Variants in SLC35D1 observed in about 807,000 individuals in gnomAD.
SLC35D1 encodes the protein nucleotide sugar transporter SLC35D1.
In SLC35D1, 31 loss-of-function variants were observed where a neutral mutation model predicts 46.7. The observed-to-expected ratio is 0.66, with a 90% CI of 0.50 to 0.90. The LOEUF is 0.90. Ranked by LOEUF, SLC35D1 falls within the 40% of genes least tolerant of loss-of-function variation. SLC35D1 has a pLI of 0.00. For missense variants in SLC35D1, 397 were observed against 426.2 expected (o/e 0.93, Z 0.60); for synonymous variants, 195 against 164.6 (o/e 1.18, Z -1.41).
At chr1:67,016,821 CTA>C (rs1667695389) in intron 10 of SLC35D1, among the ~76,000 whole-genome samples, 1 of 152,002 alleles carries the variant, frequency 6.6e-6, no homozygotes, top group Non-Finnish European at 1.5e-5. Context: ...AATACTTTGA[CTA>C]AAATAACATA....
At chr1:67,052,342 CA>C (rs1346768597) in intron 3 of SLC35D1, among the ~76,000 whole-genome samples, 2 of 152,128 alleles carry the variant, frequency 1.3e-5, no homozygotes, top group African/African-American at 4.8e-5. Context: ...ACAGAAACAT[CA>C]TTTGCTGTAA....
At chr1:67,016,308 C>T (rs1489429547) in intron 10 of SLC35D1, among the ~76,000 whole-genome samples, 1 of 151,706 alleles carries the variant, frequency 6.6e-6, no homozygotes, top group African/African-American at 2.4e-5. Flanking sequence ...CATTGTTTTA[C>T]TTTGATTCTT....
chr1:67,033,053 A>C (rs994839403), intron 8 of SLC35D1, among the ~76,000 whole-genome samples: 1 of 152,098 alleles, frequency 6.6e-6, no homozygotes, highest in Admixed American at 6.5e-5. Flanking sequence ...AGTTCCATCC[A>C]TGTTGTTGCA....
At chr1:66,986,592 G>A in the SLC35D1 span, 3 of 808,050 alleles carry the variant, frequency 3.7e-6, no homozygotes, top group African/African-American at 1.7e-5. Flanking sequence ...ACATATGTTC[G>A]GACTGCTTCC....
In SLC35D1 at chr1:67,047,347, A is replaced by G. The variant is rs777466740; in HGVS notation, c.554T>C (p.Leu185Pro). 4.3e-5 allele frequency: 70 copies of G among 1,613,156 alleles called. No individual in the cohort carries two copies. Among genetic ancestry groups the G allele is most frequent in the Admixed American group, 4.0e-4 (24 of 60,006 alleles). Residue 185 changes from leucine (L) to proline (P), a missense_variant, in exon 7 of 12, where the codon CTG becomes CCG. Physicochemically the swap from Leu to Pro is moderately conservative, Grantham distance 98 (BLOSUM62 -3). Transcript: ENST00000235345. ...VAASSDLAFD[L>P]EGYAFILIND... ...TATCAGAATAAAAGCATATCCTTCC[A>G]GATCAAATGCCAAGTCAGAGCTGCA... is the stretch of plus-strand genomic sequence containing the variant.
chr1:67,019,351 A>G (rs2815355), intron 10 of SLC35D1, among the ~76,000 whole-genome samples: 88,244 of 152,072 alleles, frequency 0.58, 27,789 homozygotes, highest in East Asian at 0.84. Context: ...CAGCCAGCCC[A>G]ATCCCTGGCA....
chr1:67,048,828 A>G (rs1227687424), intron 6 of SLC35D1, among the ~76,000 whole-genome samples: 1 of 152,224 alleles, frequency 6.6e-6, no homozygotes, highest in African/African-American at 2.4e-5. Context: ...AAATGGGAAA[A>G]GCTTTAATAA....
At chr1:66,987,113 AAAAT>A in the SLC35D1 span, 2 of 152,744 alleles carry the variant, frequency 1.3e-5, no homozygotes, top group African/African-American at 4.8e-5. Context: ...TAATCTTTAA[AAAAT>A]ACACCTAATG....
chr1:66,985,453 A>G, the SLC35D1 span: 1 of 983,424 alleles, frequency 1.0e-6, no homozygotes, highest in Non-Finnish European at 1.2e-6. Flanking sequence ...TTATATATAG[A>G]AGTTTAAAAA....
intron 11 of SLC35D1, among the ~76,000 whole-genome samples, chr1:67,005,606 GCATTTTACATA>G (rs1369163550): frequency 6.6e-6 from 1 of 152,130 alleles, no homozygotes; most frequent in Non-Finnish European, 1.5e-5. Context: ...TACTTGTCAA[GCATTTTACATA>G]CATTTCCTGT....
chr1:66,997,848 TAGAC>T (rs1196486849), downstream of SLC35D1, among the ~76,000 whole-genome samples: 1 of 149,406 alleles, frequency 6.7e-6, no homozygotes, highest in Non-Finnish European at 1.5e-5. Flanking sequence ...TATATCTCCT[TAGAC>T]ATATATATCT....
Position 67,020,414 on chromosome 1 carries a change from C to A in SLC35D1, c.831G>T (p.Thr277=). ...FILMYATVLC[T]QYNSALTTTI... ...TAGTTGTAAGAGCAGAATTATACTG[C>A]GTGCAGAGTACTGTGGCGTACATTA... Residue 277 remains threonine (T), a synonymous_variant, in exon 10 of 12, where the codon ACG becomes ACT. Coordinates refer to ENST00000235345, the MANE Select transcript of SLC35D1 (RefSeq NM_015139.3). 1.2e-6 allele frequency: 2 copies of A among 1,610,814 alleles called. No individual in the cohort carries two copies. The highest frequency in any genetic ancestry group is 1.7e-6 in the Non-Finnish European group (2 of 1,177,176).
chr1:66,991,642 C>G, the SLC35D1 span, among the ~76,000 whole-genome samples: 1 of 152,228 alleles, frequency 6.6e-6, no homozygotes, highest in East Asian at 1.9e-4. Flanking sequence ...ATTAGTCCTT[C>G]TAACTATTCC....
At position 67,003,703 on chromosome 1, in the gene SLC35D1, T is replaced by C. The variant is rs149465666; in HGVS notation, c.*637A>G. 7 of 154,078 alleles carry C rather than the reference T, an allele frequency of 4.5e-5. No individual in the cohort carries two copies. In the East Asian group the frequency reaches 1.3e-3, roughly 29 times the overall value. 9.5% of individuals were successfully genotyped at this position (154,078 alleles called of 1,614,324 possible). A position where few individuals can be genotyped will look rare whatever the true frequency, so the allele number is the denominator to read the frequency against. On this transcript the variant is annotated 3_prime_UTR_variant, in exon 12 of 12. Transcript: ENST00000235345. ...CTCACCCCCTTCATTATCCCCATTC[T>C]ACACAACAAAAAAAGAACATGTTTT... is the stretch of plus-strand genomic sequence containing the variant.
chr1:67,042,936 G>A (rs958335506), intron 7 of SLC35D1, among the ~76,000 whole-genome samples: 14 of 151,924 alleles, frequency 9.2e-5, no homozygotes, highest in Non-Finnish European at 1.2e-4. Flanking sequence ...GGTGGCTCAC[G>A]CCTGTAATCC....
At position 67,053,843 on chromosome 1, in the gene SLC35D1, C is replaced by G. The variant is rs751599807; in HGVS notation, c.171G>C (p.Val57=). The change falls in exon 1 of 12, where the codon GTG becomes GTC. Residue 57 remains valine (V), a synonymous_variant. Transcript: ENST00000235345. Reference sequence around the variant, plus strand: ...TGGTGAGCACGCTCTTATTCACCACCACGATCAGGAAGGAGCTCACGCCGT... The same window carrying G: ...TGGTGAGCACGCTCTTATTCACCACGACGATCAGGAAGGAGCTCACGCCGT... ...GFYGVSSFLI[V]VVNKSVLTNY... 1 of 1,613,218 alleles carries G rather than the reference C, an allele frequency of 6.2e-7. No homozygotes were observed. Among genetic ancestry groups the G allele is most frequent in the South Asian group, 1.1e-5 (1 of 91,022 alleles).
At chr1:67,011,150 A>G (rs193016248) in intron 10 of SLC35D1, among the ~76,000 whole-genome samples, 5 of 152,302 alleles carry the variant, frequency 3.3e-5, no homozygotes, top group Admixed American at 3.3e-4. Context: ...AAGATAGTAT[A>G]TAAGCTTCTA....
the SLC35D1 span, among the ~76,000 whole-genome samples, chr1:66,978,423 C>G: frequency 1.3e-5 from 2 of 151,970 alleles, no homozygotes; most frequent in Admixed American, 1.3e-4. Flanking sequence ...ACATCATCCC[C>G]CATTATTCAA....
At chr1:66,991,661 G>A in the SLC35D1 span, among the ~76,000 whole-genome samples, 2 of 152,262 alleles carry the variant, frequency 1.3e-5, no homozygotes, top group African/African-American at 2.4e-5. Flanking sequence ...CCAGAACGAG[G>A]AGTGAAAGCC....
Sources: gnomAD v4.1 joint callset for allele counts (sites outside exome capture counted in the v4.1 genomes callset) on GRCh38, gnomAD v4.1.1 for gene constraint, MANE v1.5 for transcripts, NCBI Gene and HGNC (gene_info 2026-07-23, HGNC 2026-07-21) for gene names.